Variants in LINGO2 observed in about 807,000 individuals in gnomAD.
The protein encoded by LINGO2 is leucine-rich repeat and immunoglobulin-like domain-containing nogo receptor-interacting protein 2.
LINGO2 carries 14 observed loss-of-function variants against 30.6 expected under a neutral mutation model. That is an observed-to-expected ratio of 0.46 (90% CI 0.30 to 0.72). LINGO2 has a LOEUF of 0.72. LINGO2 is among the 30% of genes least tolerant of loss of function. The pLI is 0.07. For missense variants in LINGO2, 729 were observed against 751.7 expected (o/e 0.97, Z 0.35); for synonymous variants, 317 against 288.5 (o/e 1.10, Z -1.00).
At chr9:29,153,410 T>C in the LINGO2 span, among the ~76,000 whole-genome samples, 1 of 152,164 alleles carries the variant, frequency 6.6e-6, no homozygotes, top group Admixed American at 6.5e-5. Flanking sequence ...CCAGTTCTCA[T>C]ACATTGCTAG....
intron 3 of LINGO2, among the ~76,000 whole-genome samples, chr9:28,367,094 T>C (rs1449877408): frequency 1.4e-5 from 2 of 145,796 alleles, no homozygotes; most frequent in African/African-American, 5.3e-5. Flanking sequence ...TGTATTATAA[T>C]TTTGGTTAAA....
the LINGO2 span, among the ~76,000 whole-genome samples, chr9:28,763,497 T>C: frequency 6.6e-5 from 10 of 151,812 alleles, no homozygotes; most frequent in Non-Finnish European, 1.0e-4. Flanking sequence ...CAAACAAACA[T>C]TCATGTACAA....
chr9:28,636,246 C>T (rs1827265248), intron 1 of LINGO2, among the ~76,000 whole-genome samples: 1 of 152,172 alleles, frequency 6.6e-6, no homozygotes, highest in Non-Finnish European at 1.5e-5. Flanking sequence ...GGGTTGGTTT[C>T]AAGTCTTTGC....
At chr9:29,180,387 T>C in the LINGO2 span, among the ~76,000 whole-genome samples, 1 of 152,184 alleles carries the variant, frequency 6.6e-6, no homozygotes, top group African/African-American at 2.4e-5. Flanking sequence ...ATTTTCAAGC[T>C]TGGTTGAATG....
At chr9:28,174,898 C>CTCTCTGTG (rs139070322) in intron 4 of LINGO2, among the ~76,000 whole-genome samples, 2 of 141,010 alleles carry the variant, frequency 1.4e-5, no homozygotes, top group African/African-American at 5.4e-5. Flanking sequence ...ATTTGTGTCT[C>CTCTCTGTG]TGTGTGTGTG....
At chr9:28,984,761 T>C in the LINGO2 span, among the ~76,000 whole-genome samples, 1 of 152,132 alleles carries the variant, frequency 6.6e-6, no homozygotes, top group African/African-American at 2.4e-5. Context: ...TTTAATTACA[T>C]ATTCACGGGA....
At chr9:28,689,681 T>A in the LINGO2 span, among the ~76,000 whole-genome samples, 2 of 152,124 alleles carry the variant, frequency 1.3e-5, 1 homozygote, top group Non-Finnish European at 2.9e-5. Context: ...AGAAATGTCA[T>A]CTGACCCAGC....
chr9:28,818,971 A>G, the LINGO2 span, among the ~76,000 whole-genome samples: 1 of 152,232 alleles, frequency 6.6e-6, no homozygotes, highest in Non-Finnish European at 1.5e-5. Flanking sequence ...TAAGAAAGCT[A>G]AAACAGTTGC....
the LINGO2 span, among the ~76,000 whole-genome samples, chr9:28,704,926 T>G: frequency 6.6e-6 from 1 of 151,992 alleles, no homozygotes; most frequent in East Asian, 2.0e-4. Flanking sequence ...ATTCAATTGC[T>G]TCAATCTGTG....
chr9:28,989,050 T>G, the LINGO2 span, among the ~76,000 whole-genome samples: 7 of 152,196 alleles, frequency 4.6e-5, no homozygotes, highest in African/African-American at 1.7e-4. Context: ...ACCATACTCA[T>G]GCAGTGCAGT....
intron 1 of LINGO2, among the ~76,000 whole-genome samples, chr9:28,507,148 T>C (rs1820173903): frequency 6.6e-6 from 1 of 151,988 alleles, no homozygotes; most frequent in Admixed American, 6.6e-5. Flanking sequence ...CTCTCGCTGA[T>C]TGAGGCTTTT....
At chr9:28,195,351 T>C (rs1266072505) in intron 4 of LINGO2, among the ~76,000 whole-genome samples, 3 of 136,408 alleles carry the variant, frequency 2.2e-5, no homozygotes, top group Non-Finnish European at 5.0e-5. Context: ...ATTAAAAAAA[T>C]TCAAGAAAGT....
chr9:28,902,588 T>C, the LINGO2 span, among the ~76,000 whole-genome samples: 1 of 152,270 alleles, frequency 6.6e-6, no homozygotes. Context: ...ATAAATGTTC[T>C]TCTCAAATAA....
At chr9:28,479,875 G>GTGTC in intron 1 of LINGO2, among the ~76,000 whole-genome samples, 1 of 118,498 alleles carries the variant, frequency 8.4e-6, no homozygotes, top group Admixed American at 9.2e-5. Flanking sequence ...GTGTGTGTGT[G>GTGTC]TGTGTGTGTA....
intron 2 of LINGO2, among the ~76,000 whole-genome samples, chr9:28,439,488 G>A (rs1483226602): frequency 6.6e-6 from 1 of 152,120 alleles, no homozygotes; most frequent in Non-Finnish European, 1.5e-5. Flanking sequence ...GTAATTCCCA[G>A]TGTTGGAGGA....
the LINGO2 span, among the ~76,000 whole-genome samples, chr9:29,133,468 A>G: frequency 6.6e-6 from 1 of 152,184 alleles, no homozygotes; most frequent in Non-Finnish European, 1.5e-5. Flanking sequence ...ATTTGGTCCT[A>G]AAAAGAATTA....
intron 4 of LINGO2, among the ~76,000 whole-genome samples, chr9:28,123,868 G>A (rs529421182): frequency 1.3e-4 from 19 of 151,940 alleles, no homozygotes; most frequent in Admixed American, 9.2e-4. Context: ...GGGTTTCACC[G>A]TGTTAGCCAG....
chr9:28,865,093 TG>T, the LINGO2 span, among the ~76,000 whole-genome samples: 4 of 152,016 alleles, frequency 2.6e-5, no homozygotes, highest in Non-Finnish European at 5.9e-5. Flanking sequence ...ATGAGAAGGG[TG>T]GGGTAAGTGT....
intron 4 of LINGO2, among the ~76,000 whole-genome samples, chr9:28,223,301 G>T (rs1321920859): frequency 6.6e-6 from 1 of 152,188 alleles, no homozygotes; most frequent in African/African-American, 2.4e-5. Flanking sequence ...CTAAGATTCT[G>T]CCGTCTCACA....
Sources: gnomAD v4.1 joint callset for allele counts (sites outside exome capture counted in the v4.1 genomes callset) on GRCh38, gnomAD v4.1.1 for gene constraint, MANE v1.5 for transcripts, NCBI Gene and HGNC (gene_info 2026-07-23, HGNC 2026-07-21) for gene names.